The following SH3RF3 variants were observed in gnomAD, a reference collection of about 807,000 sequenced individuals.
SH3RF3 encodes the protein E3 ubiquitin-protein ligase SH3RF3.
In SH3RF3, 29 loss-of-function variants were observed where a neutral mutation model predicts 66.3. That is an observed-to-expected ratio of 0.44 (90% confidence interval 0.33 to 0.60). The LOEUF is 0.60. SH3RF3 is among the 20% of genes least tolerant of loss of function. SH3RF3 has a pLI of 0.04. For missense variants in SH3RF3, 1,194 were observed against 1,190.9 expected, an observed-to-expected ratio of 1.00 and a Z score of -0.04; for synonymous variants, 583 against 532.0, an observed-to-expected ratio of 1.10 and a Z score of -1.32.
chr2:109,218,898 A>G (rs1679162062), intron 1 of SH3RF3, among the ~76,000 whole-genome samples: 2 of 152,242 alleles, frequency 1.3e-5, no homozygotes. Flanking sequence ...GTGGAGAAAG[A>G]CAAGAACCAG....
chr2:109,383,890 C>T (rs1308319759), intron 3 of SH3RF3, among the ~76,000 whole-genome samples: 1 of 152,208 alleles, frequency 6.6e-6, no homozygotes, highest in African/African-American at 2.4e-5. Flanking sequence ...TCAGCCCCTT[C>T]CACCCTACCA....
At chr2:109,493,307 G>A in intron 9 of SH3RF3, among the ~76,000 whole-genome samples, 1 of 136,672 alleles carries the variant, frequency 7.3e-6, no homozygotes. Flanking sequence ...TGCACACCAT[G>A]CAAATATACG....
chr2:109,232,275 A>G (rs1679531076), intron 1 of SH3RF3, among the ~76,000 whole-genome samples: 1 of 152,212 alleles, frequency 6.6e-6, no homozygotes, highest in South Asian at 2.1e-4. Flanking sequence ...GCCAACACAT[A>G]CTATGAACTG....
intron 1 of SH3RF3, among the ~76,000 whole-genome samples, chr2:109,267,891 A>G (rs1488579623): frequency 6.7e-6 from 1 of 150,210 alleles, no homozygotes; most frequent in Non-Finnish European, 1.5e-5. Flanking sequence ...GGGAGAAAGG[A>G]GCTGCTGCAG....
At chr2:109,447,147 TAAAAAAAAAAA>T (rs61240132) in intron 7 of SH3RF3, among the ~76,000 whole-genome samples, 1 of 82,704 alleles carries the variant, frequency 1.2e-5, no homozygotes, top group East Asian at 3.1e-4. Flanking sequence ...CCTGAATATT[TAAAAAAAAAAA>T]AAAAAAAAAA....
intron 1 of SH3RF3, chr2:109,251,426 G>T: frequency 2.8e-6 from 2 of 708,432 alleles, no homozygotes; most frequent in Non-Finnish European, 2.7e-6. Flanking sequence ...GACACCATGA[G>T]CAAAGCTCAC....
intron 1 of SH3RF3, among the ~76,000 whole-genome samples, chr2:109,153,726 G>A (rs188085445): frequency 9.8e-5 from 15 of 152,326 alleles, no homozygotes; most frequent in Middle Eastern, 6.8e-3. Context: ...TCTGCTGTGC[G>A]TTTTGTGCTG....
chr2:109,278,774 C>T (rs974355215), intron 1 of SH3RF3, among the ~76,000 whole-genome samples: 5 of 152,162 alleles, frequency 3.3e-5, no homozygotes, highest in African/African-American at 7.2e-5. Context: ...CAACTGAAAC[C>T]CATGTTACCC....
chr2:109,474,930 C>A (rs1678640500), intron 8 of SH3RF3, among the ~76,000 whole-genome samples: 1 of 152,200 alleles, frequency 6.6e-6, no homozygotes, highest in Non-Finnish European at 1.5e-5. Context: ...TAAAATAGCA[C>A]CTTTCAGTGT....
intron 8 of SH3RF3, 85 bp downstream of exon 8, chr2:109,449,574 T>C: frequency 6.7e-7 from 1 of 1,488,920 alleles, no homozygotes; most frequent in South Asian, 1.3e-5. Context: ...GTGGCATTTG[T>C]GCAATTGAAG....
intron 1 of SH3RF3, among the ~76,000 whole-genome samples, chr2:109,145,856 C>T (rs1030325294): frequency 5.9e-5 from 9 of 152,112 alleles, no homozygotes; most frequent in East Asian, 1.9e-4. Context: ...AAAGGCAGGA[C>T]GGAGCCGCAG....
At chr2:109,154,434 A>G (rs11692935) in intron 1 of SH3RF3, among the ~76,000 whole-genome samples, 21,534 of 152,232 alleles carry the variant, frequency 0.14, 1,687 homozygotes, top group Middle Eastern at 0.21. Context: ...TTGAAGCTGC[A>G]GCATCATGGG....
intron 1 of SH3RF3, among the ~76,000 whole-genome samples, chr2:109,169,646 A>T (rs569391224): frequency 5.3e-5 from 8 of 152,146 alleles, no homozygotes. Context: ...GGGTTGGGCA[A>T]TGTATTTGAA....
intron 1 of SH3RF3, among the ~76,000 whole-genome samples, chr2:109,131,771 A>G (rs576901451): frequency 6.6e-6 from 1 of 152,184 alleles, no homozygotes; most frequent in African/African-American, 2.4e-5. Context: ...TACTCACCAT[A>G]TGTTGAGACC....
intron 1 of SH3RF3, among the ~76,000 whole-genome samples, chr2:109,221,993 A>AT (rs61144234): frequency 6.6e-6 from 1 of 151,364 alleles, no homozygotes; most frequent in Admixed American, 6.6e-5. Flanking sequence ...AAAAAAAAAA[A>AT]CACAGGGGAT....
chr2:109,177,740 G>C (rs1197743393), intron 1 of SH3RF3, among the ~76,000 whole-genome samples: 2 of 152,170 alleles, frequency 1.3e-5, no homozygotes, highest in Non-Finnish European at 2.9e-5. Flanking sequence ...AAAATGCTAA[G>C]AACCCCCTTC....
chr2:109,272,013 C>T (rs1680638788), intron 1 of SH3RF3, among the ~76,000 whole-genome samples: 1 of 152,110 alleles, frequency 6.6e-6, no homozygotes, highest in African/African-American at 2.4e-5. Context: ...ATGGGTGAAC[C>T]ATATCTTGAC....
intron 4 of SH3RF3, among the ~76,000 whole-genome samples, chr2:109,408,653 TCAGA>T (rs1676510771): frequency 6.6e-6 from 1 of 152,214 alleles, no homozygotes; most frequent in South Asian, 2.1e-4. Flanking sequence ...ACTGGCACTC[TCAGA>T]CAGAAGGATG....
intron 1 of SH3RF3, among the ~76,000 whole-genome samples, chr2:109,319,705 G>A (rs1197587629): frequency 2.6e-5 from 4 of 152,192 alleles, no homozygotes. Context: ...TGCCGTGCCG[G>A]AGCCAAATGG....
Sources: allele counts gnomAD v4.1 joint callset (sites outside exome capture counted in the v4.1 genomes callset), GRCh38; gene constraint gnomAD v4.1.1; transcripts MANE v1.5; gene names NCBI Gene and HGNC (gene_info 2026-07-23, HGNC 2026-07-21).